The following PCDHGA2 variants were observed in gnomAD, a reference collection of about 807,000 sequenced individuals.
PCDHGA2 encodes the protein protocadherin gamma-A2.
PCDHGA2 carries 40 observed loss-of-function variants against 59.2 expected under a neutral mutation model. That is an observed-to-expected ratio of 0.68 (90% CI 0.52 to 0.88). PCDHGA2 has a LOEUF of 0.88. PCDHGA2 is among the 40% of genes least tolerant of loss of function. PCDHGA2 has a pLI of 0.00. For missense variants in PCDHGA2, 1,226 were observed against 1,204.0 expected (o/e 1.02, Z -0.27); for synonymous variants, 560 against 526.0 (o/e 1.06, Z -0.89).
intron 1 of PCDHGA2, chr5:141,376,589 C>G: frequency 6.4e-7 from 1 of 1,568,198 alleles, no homozygotes; most frequent in Non-Finnish European, 8.7e-7. Flanking sequence ...TCAGCTAGAT[C>G]GGCTGTTATA....
At chr5:141,455,438 C>G (rs1350941007) in intron 1 of PCDHGA2, among the ~76,000 whole-genome samples, 1 of 152,082 alleles carries the variant, frequency 6.6e-6, no homozygotes, top group Non-Finnish European at 1.5e-5. Context: ...GAGGAGGTCC[C>G]CATCTACCGC....
In PCDHGA2 at chr5:141,486,077, C is replaced by T; in HGVS notation, c.2425-8730C>T. 6.2e-7 allele frequency: 1 copy of T among 1,614,186 alleles called. No individual in the cohort carries two copies. The highest frequency in any genetic ancestry group is 8.5e-7 in the Non-Finnish European group (1 of 1,180,024). ...TAGCCTGCACCCCACTACTGGAAAG[C>T]TTACTCTTTTGGGGCCCCTAGACTT... On this transcript the variant is annotated intron_variant, in intron 1 of 3. Coordinates refer to ENST00000394576, the MANE Select transcript of PCDHGA2 (RefSeq NM_018915.4). The surrounding 1 kb of genome is among the most constrained non-coding windows in gnomAD (Gnocchi z 5.0).
rs950164698 is a variant in PCDHGA2, at chr5:141,423,459, G to A, written c.2425-71348G>A. ...TGCCCACGTCACATTTTGTAGGCGT[G>A]GACGGGGTACAGGCTTTCCTGCAAA... On this transcript the variant is annotated intron_variant, in intron 1 of 3. Coordinates refer to ENST00000394576, the MANE Select transcript of PCDHGA2 (RefSeq NM_018915.4). 4.3e-6 allele frequency: 7 copies of A among 1,614,006 alleles called. No individual in the cohort carries two copies. In the South Asian group the frequency reaches 6.6e-5, roughly 15 times the overall value.
intron 1 of PCDHGA2, chr5:141,419,932 C>T: frequency 6.2e-7 from 1 of 1,614,090 alleles, no homozygotes; most frequent in Non-Finnish European, 8.5e-7. Flanking sequence ...TGCAGTTTTA[C>T]CTGGTGGTGG....
At chr5:141,382,108 G>T (rs1323592761) in intron 1 of PCDHGA2, among the ~76,000 whole-genome samples, 2 of 152,024 alleles carry the variant, frequency 1.3e-5, no homozygotes, top group African/African-American at 4.8e-5. Flanking sequence ...GATTACAGGC[G>T]TGAGCAACAG....
At chr5:141,364,180 C>G (rs1476637020) in intron 1 of PCDHGA2, 2 of 899,976 alleles carry the variant, frequency 2.2e-6, no homozygotes, top group African/African-American at 3.4e-5. Context: ...TCTGCTCCCT[C>G]CATACTAAAC....
chr5:141,349,541 A>T (rs1322782063), intron 1 of PCDHGA2, among the ~76,000 whole-genome samples: 1 of 152,216 alleles, frequency 6.6e-6, no homozygotes, highest in Non-Finnish European at 1.5e-5. Flanking sequence ...ATATTTTATA[A>T]AGAAGAGAAA....
rs770093591 is a variant in PCDHGA2 at position 141,486,147 on chromosome 5, G to T, written c.2425-8660G>T. ...GAATTTGATGTGCGGGCTCGCGATG[G>T]GGGTTCTCCAGCCATGGAGCAACAT... On this transcript the variant is annotated intron_variant, in intron 1 of 3. Transcript: ENST00000394576. This position sits in a 1 kb window ranked among gnomAD's most constrained non-coding sequence, Gnocchi z 5.0. The T allele has an allele frequency of 6.2e-7, 1 of 1,614,168 alleles. No individual in the cohort carries two copies. The highest frequency in any genetic ancestry group is 1.7e-5 in the Admixed American group (1 of 60,028).
At chr5:141,423,387 G>T (rs373190092) in intron 1 of PCDHGA2, 1 of 1,614,162 alleles carries the variant, frequency 6.2e-7, no homozygotes, top group Non-Finnish European at 8.5e-7. Context: ...TGTGGCGCTG[G>T]CATAAGTCAC....
At chr5:141,405,029 C>A (rs565871444) in intron 1 of PCDHGA2, 1 of 1,613,976 alleles carries the variant, frequency 6.2e-7, no homozygotes, top group South Asian at 1.1e-5. Context: ...TACCCTCTAC[C>A]TCGTTGTGGC....
chr5:141,353,391 T>C (rs972720357), intron 1 of PCDHGA2, among the ~76,000 whole-genome samples: 7 of 152,358 alleles, frequency 4.6e-5, no homozygotes, highest in African/African-American at 1.4e-4. Context: ...TGTAATTATG[T>C]AATTAATGTA....
At position 141,421,815 on chromosome 5, in the gene PCDHGA2, A is replaced by C. The variant is rs746563152; in HGVS notation, c.2425-72992A>C. ...ATGGGGCCAAGAATCCAGAGCTAGTACTGGAGGGAAGCCTGGACCGAGAGA... is the reference window on the plus strand; with the variant it reads ...ATGGGGCCAAGAATCCAGAGCTAGTCCTGGAGGGAAGCCTGGACCGAGAGA... On this transcript the variant is annotated intron_variant, in intron 1 of 3. Coordinates refer to ENST00000394576, the MANE Select transcript of PCDHGA2 (RefSeq NM_018915.4). 4 of 1,613,764 alleles carry C rather than the reference A, an allele frequency of 2.5e-6. No individual in the cohort carries two copies. The South Asian group carries it at 3.3e-5, about 13-fold the overall frequency.
Position 141,431,067 on chromosome 5 carries a change from A to G in PCDHGA2, c.2425-63740A>G. The G allele has an allele frequency of 1.2e-6, 2 of 1,614,164 alleles. No homozygotes were observed. Among genetic ancestry groups the G allele is most frequent in the Non-Finnish European group, 1.7e-6 (2 of 1,179,976 alleles). Reference sequence around the variant, plus strand: ...CTCTGTATGGGGGCCATCAAGTGTCAATTAAATCTAGACATTCTGATGGAG... The same window carrying G: ...CTCTGTATGGGGGCCATCAAGTGTCGATTAAATCTAGACATTCTGATGGAG... On this transcript the variant is annotated intron_variant, in intron 1 of 3. Transcript: ENST00000394576. This position sits in a 1 kb window ranked among gnomAD's most constrained non-coding sequence, Gnocchi z 4.8.
chr5:141,355,683 T>G (rs1759935832), intron 1 of PCDHGA2: 1 of 1,613,894 alleles, frequency 6.2e-7, no homozygotes, highest in East Asian at 2.2e-5. Context: ...TTGATCCGGA[T>G]GTAGGTGTAA....
chr5:141,374,433 A>T, intron 1 of PCDHGA2: 1 of 1,613,990 alleles, frequency 6.2e-7, no homozygotes. Flanking sequence ...CTGAATCTTT[A>T]TCCCGTGGAA....
intron 1 of PCDHGA2, chr5:141,383,710 G>A (rs1388027066): frequency 1.4e-5 from 22 of 1,613,874 alleles, no homozygotes; most frequent in Non-Finnish European, 1.9e-5. Flanking sequence ...CGACCTGGAC[G>A]AGGGAGTCAA....
At chr5:141,455,686 G>A (rs1282071031) in intron 1 of PCDHGA2, among the ~76,000 whole-genome samples, 1 of 152,094 alleles carries the variant, frequency 6.6e-6, no homozygotes. Context: ...AAGGCTGTGG[G>A]AATCGCCAAG....
chr5:141,345,474 A>G, intron 1 of PCDHGA2: 1 of 1,613,978 alleles, frequency 6.2e-7, no homozygotes, highest in Non-Finnish European at 8.5e-7. Context: ...GGACCCAGAT[A>G]GCAACAACAA....
At chr5:141,342,244 C>T (rs1482294066) in intron 1 of PCDHGA2, 2 of 152,188 alleles carry the variant, frequency 1.3e-5, no homozygotes, top group African/African-American at 4.8e-5. Flanking sequence ...GAACCAACTT[C>T]TTTATACATC....
Sources: gnomAD v4.1 joint callset for allele counts (sites outside exome capture counted in the v4.1 genomes callset) on GRCh38, gnomAD v4.1.1 for gene constraint, Gnocchi (gnomAD v3.1) non-coding constraint, MANE v1.5 for transcripts, NCBI Gene and HGNC (gene_info 2026-07-23, HGNC 2026-07-21) for gene names.